Variants in VCAM1 observed in about 807,000 individuals in gnomAD.
VCAM1 encodes the protein vascular cell adhesion protein 1.
In VCAM1, 41 loss-of-function variants were observed where a neutral mutation model predicts 63.8. That is an observed-to-expected ratio of 0.64 (90% CI 0.50 to 0.83). VCAM1 has a LOEUF of 0.83. Among genes scored for constraint, VCAM1 ranks in the 40% least tolerant of loss-of-function variants. The pLI is 0.00. For synonymous variants in VCAM1, 338 were observed against 320.7 expected, an observed-to-expected ratio of 1.05 and a Z score of -0.58; for missense variants, 798 against 875.5, an observed-to-expected ratio of 0.91 and a Z score of 1.12.
chr1:100,732,681 C>A lies in VCAM1; in HGVS notation c.1789C>A (p.Gln597Lys). The change falls in exon 7 of 9, where the codon CAA (glutamine) becomes AAA (lysine). Residue 597 changes from glutamine (Q) to lysine (K), a missense_variant. Transcript: ENST00000294728. Reference protein sequence around the residue: ...RSRKEVELIIQVTPKDIKLTA... With the variant: ...RSRKEVELIIKVTPKDIKLTA... Reference sequence around the variant, plus strand: ...CAGAAAGGAAGTGGAATTAATTATCCAAGGTGAGCAGAGTGTGAGTAATGA... The same window carrying A: ...CAGAAAGGAAGTGGAATTAATTATCAAAGGTGAGCAGAGTGTGAGTAATGA... 1 of 1,589,334 alleles carries A rather than the reference C, an allele frequency of 6.3e-7. No homozygotes were observed. The highest frequency in any genetic ancestry group is 1.8e-4 in the Middle Eastern group (1 of 5,508).
chr1:100,736,553 G>C (rs1660655546), intron 8 of VCAM1: 1 of 152,028 alleles, frequency 6.6e-6, no homozygotes. Flanking sequence ...ATGCCTGTGG[G>C]GAAGACTGAA....
Position 100,720,546 on chromosome 1 carries a change from G to A in VCAM1, c.135G>A (p.Leu45=), listed in dbSNP as rs1659922612. The change falls in exon 2 of 9, where the codon TTG becomes TTA. Residue 45 remains leucine (L), a synonymous_variant. Transcript: ENST00000294728. ...YLAQIGDSVS[L]TCSTTGCESP... The stretch of plus-strand genomic sequence containing the variant: ...CTCAGATTGGTGACTCCGTCTCATT[G>A]ACTTGCAGCACCACAGGCTGTGAGT... 1.2e-6 allele frequency: 2 copies of A among 1,613,182 alleles called. No homozygotes were observed.
intron 5 of VCAM1, among the ~76,000 whole-genome samples, chr1:100,730,154 A>C (rs1320419547): frequency 6.6e-6 from 1 of 151,920 alleles, no homozygotes; most frequent in African/African-American, 2.4e-5. Flanking sequence ...TATCGTAGAG[A>C]TTTTCTACCA....
At position 100,729,243 on chromosome 1, in the gene VCAM1, G is replaced by A. The variant is rs908431256; in HGVS notation, c.1065G>A (p.Leu355=). The A allele has an allele frequency of 9.9e-6, 16 of 1,613,456 alleles. No individual in the cohort carries two copies. The Admixed American group carries it at 1.2e-4, about 12-fold the overall frequency. The change falls in exon 5 of 9, where the codon CTG becomes CTA. Residue 355 remains leucine, a synonymous_variant. Transcript: ENST00000294728. The part of the protein sequence containing the change: ...FSWRTQIDSP[L]SGKVRSEGTN... Reference sequence around the variant, plus strand: ...GGAGAACCCAGATAGACAGCCCTCTGAGCGGGAAGGTGAGGAGTGAGGGGA... The same window carrying A: ...GGAGAACCCAGATAGACAGCCCTCTAAGCGGGAAGGTGAGGAGTGAGGGGA...
chr1:100,734,662 C>A lies in VCAM1; in HGVS notation c.1953C>A (p.Gly651=), dbSNP rs781236966. 13 of 1,613,756 alleles carry A rather than the reference C, an allele frequency of 8.1e-6. No homozygotes were observed. The highest frequency in any genetic ancestry group is 1.6e-4 in the Middle Eastern group (1 of 6,084). ...TGDTVLKSID[G]AYTIRKAQLK... ...ACACAGTACTAAAATCTATAGATGG[C>A]GCCTATACCATCCGAAAGGCCCAGT... Residue 651 remains glycine, a synonymous_variant, in exon 8 of 9, where the codon GGC becomes GGA. Transcript: ENST00000294728.
At chr1:100,722,558 A>G (rs955956636) in intron 2 of VCAM1, among the ~76,000 whole-genome samples, 1 of 152,054 alleles carries the variant, frequency 6.6e-6, no homozygotes, top group African/African-American at 2.4e-5. Context: ...AATAATGGAA[A>G]TCCTGAGTTT....
In VCAM1 at chr1:100,738,958, G is replaced by T. The variant is rs1189595562; in HGVS notation, c.*675G>T. The T allele has an allele frequency of 1.3e-5, 2 of 152,164 alleles. No homozygotes were observed. The highest frequency in any genetic ancestry group is 4.8e-5 in the African/African-American group (2 of 41,448). The allele number at this position is 152,164 out of a possible 1,614,324, so 9.4% of individuals were successfully genotyped here. A position where few individuals can be genotyped will look rare whatever the true frequency, so the allele number is the denominator to read the frequency against. ...CAGACTCCTGTGCAACTTTCCCAAT[G>T]TGGCCTAAAAATGCAACTTCTTTTT... On this transcript the variant is annotated 3_prime_UTR_variant, in exon 9 of 9. Transcript: ENST00000294728.
rs149304647 is a variant in VCAM1 at position 100,731,238 on chromosome 1, C to T, written c.1245C>T (p.Leu415=). ...CAGAAATCGAGATGAGTGGTGGCCT[C>T]GTGAATGGGAGCTCTGTCACTGTAA... ...RDPEIEMSGG[L]VNGSSVTVSC... Residue 415 remains leucine (L), a synonymous_variant, in exon 6 of 9, where the codon CTC becomes CTT. Transcript: ENST00000294728. The surrounding 1 kb of genome is among the most constrained non-coding windows in gnomAD (Gnocchi z 4.2). 210 of 1,613,076 alleles carry T rather than the reference C, an allele frequency of 1.3e-4. 1 individual carries two copies. Among genetic ancestry groups the T allele is most frequent in the Non-Finnish European group, 1.1e-4 (129 of 1,179,512 alleles).
rs1660437037 is a variant in VCAM1 at position 100,731,120 on chromosome 1, C to G, written c.1205-78C>G. 1.4e-6 allele frequency: 2 copies of G among 1,418,730 alleles called. No homozygotes were observed. The highest frequency in any genetic ancestry group is 5.1e-5 in the Admixed American group (2 of 38,848). The allele number at this position is 1,418,730 out of a possible 1,614,324, so 87.9% of individuals were successfully genotyped here. On this transcript the variant is annotated intron_variant, in intron 5 of 8. Transcript: ENST00000294728. This position sits in a 1 kb window ranked among gnomAD's most constrained non-coding sequence, Gnocchi z 4.2. ...GTGACTTAAAGCTGTCATTTTTAGG[C>G]CTTTACATTTAATAAAGCTTAGCTC...
intron 5 of VCAM1, among the ~76,000 whole-genome samples, chr1:100,729,734 A>T (rs1258761240): frequency 6.6e-6 from 1 of 152,040 alleles, no homozygotes; most frequent in African/African-American, 2.4e-5. Flanking sequence ...GTTGGGAATG[A>T]GTAGTTTTAA....
At position 100,731,233 on chromosome 1, in the gene VCAM1, G is replaced by A. The variant is rs529856837; in HGVS notation, c.1240G>A (p.Gly414Ser). 9.9e-6 allele frequency: 16 copies of A among 1,612,830 alleles called. No homozygotes were observed. Among genetic ancestry groups the A allele is most frequent in the Middle Eastern group, 1.6e-4 (1 of 6,076 alleles). The change falls in exon 6 of 9, where the codon GGC becomes AGC. Residue 414 changes from glycine (G) to serine (S), a missense_variant. Gly to Ser is a moderately conservative substitution (Grantham distance 56). Transcript: ENST00000294728. The surrounding 1 kb of genome is among the most constrained non-coding windows in gnomAD (Gnocchi z 4.2). ...PRDPEIEMSG[G>S]LVNGSSVTVS... ...AGATCCAGAAATCGAGATGAGTGGT[G>A]GCCTCGTGAATGGGAGCTCTGTCAC...
chr1:100,738,524 T>C lies in VCAM1; in HGVS notation c.*241T>C. 3.4e-6 allele frequency: 1 copy of C among 297,302 alleles called. No homozygotes were observed. The highest frequency in any genetic ancestry group is 6.2e-6 in the Non-Finnish European group (1 of 160,742). 18.4% of individuals were successfully genotyped at this position (297,302 alleles called of 1,614,324 possible). Reference sequence around the variant, plus strand: ...CTGGAGGAGTTCCTTGATCTGTATATACAATAACATAATTTGTACATATGT... The same window carrying C: ...CTGGAGGAGTTCCTTGATCTGTATACACAATAACATAATTTGTACATATGT... On this transcript the variant is annotated 3_prime_UTR_variant, in exon 9 of 9. Transcript: ENST00000294728.
At chr1:100,723,639 G>T (rs1660050699) in intron 3 of VCAM1, among the ~76,000 whole-genome samples, 1 of 152,020 alleles carries the variant, frequency 6.6e-6, no homozygotes, top group African/African-American at 2.4e-5. Context: ...ATTGGGTAGT[G>T]GGAAATAGGC....
chr1:100,732,467 G>T lies in VCAM1; in HGVS notation c.1575G>T (p.Glu525Asp). The T allele has an allele frequency of 6.2e-7, 1 of 1,609,138 alleles. No homozygotes were observed. Among genetic ancestry groups the T allele is most frequent in the Non-Finnish European group, 8.5e-7 (1 of 1,178,158 alleles). ...TVLVSPSSIL[E>D]EGSSVNMTCL... ...TGGTCAGCCCTTCCTCCATCCTGGA[G>T]GAAGGCAGTTCTGTGAATATGACAT... Residue 525 changes from glutamate (E) to aspartate (D), a missense_variant, in exon 7 of 9, where the codon GAG becomes GAT. Transcript: ENST00000294728.
chr1:100,731,138 C>T lies in VCAM1; in HGVS notation c.1205-60C>T. On this transcript the variant is annotated intron_variant, in intron 5 of 8. Coordinates refer to ENST00000294728, the MANE Select transcript of VCAM1 (RefSeq NM_001078.4). The surrounding 1 kb of genome is among the most constrained non-coding windows in gnomAD (Gnocchi z 4.2). ...TTTTAGGCCTTTACATTTAATAAAG[C>T]TTAGCTCAATTTTTCCTTGAATATC... The T allele has an allele frequency of 1.3e-6, 2 of 1,511,770 alleles. No individual in the cohort carries two copies. The highest frequency in any genetic ancestry group is 1.8e-6 in the Non-Finnish European group (2 of 1,129,614). The allele number at this position is 1,511,770 out of a possible 1,614,324, so 93.6% of individuals were successfully genotyped here.
In VCAM1 at chr1:100,729,175, T is replaced by C. The variant is rs762193254; in HGVS notation, c.997T>C (p.Leu333=). The change falls in exon 5 of 9, where the codon TTG becomes CTG. Residue 333 remains leucine, a synonymous_variant. Coordinates refer to ENST00000294728, the MANE Select transcript of VCAM1 (RefSeq NM_001078.4). ...IAAQIGDSVM[L]TCSVMGCESP... is the part of the protein sequence containing the mutation. ...TGCTCAGATTGGAGACTCAGTCATG[T>C]TGACATGTAGTGTCATGGGCTGTGA... 1.2e-6 allele frequency: 2 copies of C among 1,613,314 alleles called. No homozygotes were observed. Among genetic ancestry groups the C allele is most frequent in the Non-Finnish European group, 8.5e-7 (1 of 1,179,520 alleles).
At chr1:100,719,992 C>T in intron 1 of VCAM1, 68 bp downstream of exon 1, 1 of 1,547,542 alleles carries the variant, frequency 6.5e-7, no homozygotes, top group Non-Finnish European at 8.9e-7. Flanking sequence ...TGGCTTCAGT[C>T]AGTTTTGCGA....
At chr1:100,724,511 C>T (rs1252485147) in intron 3 of VCAM1, 113 bp from the exon 4 acceptor site, 4 of 1,245,456 alleles carry the variant, frequency 3.2e-6, no homozygotes, top group Non-Finnish European at 4.4e-6. Flanking sequence ...ACTAATTTGG[C>T]AGAGTAATTT....
At chr1:100,733,028 AC>A (rs1305712248) in intron 7 of VCAM1, among the ~76,000 whole-genome samples, 2 of 152,208 alleles carry the variant, frequency 1.3e-5, no homozygotes, top group Admixed American at 6.5e-5. Flanking sequence ...GATTAAAGCT[AC>A]CATATCTGGC....
Sources: allele counts gnomAD v4.1 joint callset (sites outside exome capture counted in the v4.1 genomes callset), GRCh38; gene constraint gnomAD v4.1.1; non-coding constraint Gnocchi (gnomAD v3.1); transcripts MANE v1.5; gene names NCBI Gene and HGNC (gene_info 2026-07-23, HGNC 2026-07-21).